The following STRN variants were observed in gnomAD, a reference collection of about 807,000 sequenced individuals.
STRN encodes striatin, also known as protein phosphatase 2 regulatory subunit B'''alpha.
A neutral mutation model predicts 96.3 loss-of-function variants in STRN; 53 were observed. That is an observed-to-expected ratio of 0.55 (90% CI 0.44 to 0.69). The LOEUF is 0.69. Ranked by LOEUF, STRN falls within the 30% of genes least tolerant of loss-of-function variation. STRN has a pLI of 0.00. For synonymous variants in STRN, 428 were observed against 355.9 expected, an observed-to-expected ratio of 1.20 and a Z score of -2.28; for missense variants, 987 against 963.9, an observed-to-expected ratio of 1.02 and a Z score of -0.32.
chr2:36,887,042 G>GACACACAC (rs70946957), intron 7 of STRN, among the ~76,000 whole-genome samples: 17 of 144,792 alleles, frequency 1.2e-4, no homozygotes, highest in African/African-American at 4.4e-4. Flanking sequence ...TCTCCTGAAA[G>GACACACAC]ACACACACAC....
At chr2:36,912,384 T>C (rs77538740) in intron 3 of STRN, among the ~76,000 whole-genome samples, 7,530 of 152,120 alleles carry the variant, frequency 0.05, 310 homozygotes, top group East Asian at 0.12. Context: ...TGCCCTCACC[T>C]CTCTCCTTAA....
chr2:36,959,694 A>C (rs1231719827), intron 1 of STRN, among the ~76,000 whole-genome samples: 2 of 152,260 alleles, frequency 1.3e-5, no homozygotes, highest in African/African-American at 4.8e-5. Context: ...ATTATATCCC[A>C]AATTCTATAA....
chr2:36,943,575 C>A (rs577488802), intron 1 of STRN, among the ~76,000 whole-genome samples: 19 of 151,638 alleles, frequency 1.3e-4, no homozygotes, highest in Non-Finnish European at 2.4e-4. Context: ...GAGGCTGAGG[C>A]GGGAGAATCA....
chr2:36,896,869 T>C lies in STRN; in HGVS notation c.795+2654A>G, dbSNP rs368503239. 7.2e-5 allele frequency among the ~76,000 whole-genome samples: 11 copies of C among 152,108 alleles called. 1 individual carries two copies. The East Asian group carries it at 9.6e-4, about 13-fold the overall frequency. ...GTGATGACGAGAATACTGATAATGA[T>C]GGCAAAGAAAAATAAGGGCCAAGTG... On this transcript the variant is annotated intron_variant, in intron 6 of 17. Transcript: ENST00000263918.
chr2:36,951,189 G>A (rs1043227104), intron 1 of STRN, among the ~76,000 whole-genome samples: 1 of 152,190 alleles, frequency 6.6e-6, no homozygotes, highest in Non-Finnish European at 1.5e-5. Flanking sequence ...AGGATGTTAT[G>A]TCAAAGAGAT....
intron 1 of STRN, among the ~76,000 whole-genome samples, chr2:36,944,006 G>C (rs1670915835): frequency 6.6e-6 from 1 of 152,068 alleles, no homozygotes; most frequent in Admixed American, 6.6e-5. Context: ...TGTAATCCCA[G>C]CTACTTGGGA....
chr2:36,964,471 A>G (rs1665108119), intron 1 of STRN, among the ~76,000 whole-genome samples: 1 of 152,218 alleles, frequency 6.6e-6, no homozygotes. Context: ...TCAATCTGTA[A>G]GTATTCAAAT....
intron 2 of STRN, among the ~76,000 whole-genome samples, chr2:36,918,610 G>C (rs1670171030): frequency 6.6e-6 from 1 of 151,992 alleles, no homozygotes; most frequent in South Asian, 2.1e-4. Flanking sequence ...GACACATTAT[G>C]AACATTTTAT....
chr2:36,957,728 T>C (rs1395359055), intron 1 of STRN, among the ~76,000 whole-genome samples: 1 of 148,828 alleles, frequency 6.7e-6, no homozygotes, highest in Non-Finnish European at 1.5e-5. Context: ...ATTAGTCTCA[T>C]AGTTCTTCTT....
At chr2:36,874,617 GA>G (rs1668852211) in intron 10 of STRN, among the ~76,000 whole-genome samples, 1 of 145,548 alleles carries the variant, frequency 6.9e-6, no homozygotes, top group Admixed American at 7.1e-5. Flanking sequence ...TAATAATAGT[GA>G]AAAAAATCAG....
intron 1 of STRN, among the ~76,000 whole-genome samples, chr2:36,950,952 T>A (rs1273854039): frequency 6.6e-6 from 1 of 151,992 alleles, no homozygotes; most frequent in African/African-American, 2.4e-5. Context: ...AAAGCAGAGT[T>A]CAAAAAAGTT....
At chr2:36,897,769 G>C (rs1669583737) in intron 6 of STRN, among the ~76,000 whole-genome samples, 4 of 152,134 alleles carry the variant, frequency 2.6e-5, no homozygotes, top group South Asian at 2.1e-4. Flanking sequence ...GCAGTAGCAT[G>C]ATCATGGCTC....
intron 3 of STRN, among the ~76,000 whole-genome samples, chr2:36,909,081 A>G (rs1211327217): frequency 2.7e-5 from 4 of 150,794 alleles, no homozygotes; most frequent in African/African-American, 9.8e-5. Context: ...ATTTGAACCA[A>G]GGAGGCGAAG....
chr2:36,860,150 G>C (rs1230188996), intron 13 of STRN, among the ~76,000 whole-genome samples: 1 of 152,166 alleles, frequency 6.6e-6, no homozygotes. Context: ...GCTTAATTAA[G>C]ATGCAAGAGA....
Position 36,843,744 on chromosome 2 carries a change from G to C in STRN, c.*5712C>G, listed in dbSNP as rs1483313627. The C allele has an allele frequency of 6.6e-6, 1 of 152,072 alleles. No individual in the cohort carries two copies. Among genetic ancestry groups the C allele is most frequent in the African/African-American group, 2.4e-5 (1 of 41,394 alleles). The allele number at this position is 152,072 out of a possible 1,614,324, so 9.4% of individuals were successfully genotyped here. The stretch of plus-strand genomic sequence containing the variant: ...TTTAACTGATTACTGTAAAGCCACA[G>C]CTAGATCCCAAATCTGACAAATATT... On this transcript the variant is annotated 3_prime_UTR_variant, in exon 18 of 18. Coordinates refer to ENST00000263918, the MANE Select transcript of STRN (RefSeq NM_003162.4).
intron 1 of STRN, among the ~76,000 whole-genome samples, chr2:36,932,203 G>A (rs571876514): frequency 9.9e-5 from 15 of 152,274 alleles, no homozygotes; most frequent in African/African-American, 3.6e-4. Flanking sequence ...TGCCCAGGCT[G>A]GAGTACAGTG....
At chr2:36,887,297 A>ATAAG (rs1669262571) in intron 7 of STRN, among the ~76,000 whole-genome samples, 1 of 149,738 alleles carries the variant, frequency 6.7e-6, no homozygotes, top group Non-Finnish European at 1.5e-5. Context: ...AAATAAATAA[A>ATAAG]TAAATAAATA....
chr2:36,903,558 A>C, intron 4 of STRN, among the ~76,000 whole-genome samples: 1 of 152,220 alleles, frequency 6.6e-6, no homozygotes, highest in East Asian at 1.9e-4. Context: ...GCCATTAATA[A>C]AAACGACAGA....
intron 3 of STRN, among the ~76,000 whole-genome samples, chr2:36,906,626 A>G (rs1379432379): frequency 2.0e-5 from 3 of 152,040 alleles, no homozygotes; most frequent in African/African-American, 7.2e-5. Flanking sequence ...TAGCTATTAC[A>G]TTTAAAAACT....
Sources: allele counts gnomAD v4.1 joint callset (sites outside exome capture counted in the v4.1 genomes callset), GRCh38; gene constraint gnomAD v4.1.1; transcripts MANE v1.5; gene names NCBI Gene and HGNC (gene_info 2026-07-23, HGNC 2026-07-21).